The following NAALADL2 variants were observed in gnomAD, a reference collection of about 807,000 sequenced individuals.
NAALADL2 encodes N-acetylated alpha-linked acidic dipeptidase like 2.
NAALADL2 carries 76 observed loss-of-function variants against 87.2 expected under a neutral mutation model. The observed-to-expected ratio is 0.87, with a 90% CI of 0.72 to 1.05. The LOEUF (loss-of-function observed/expected upper bound fraction) is 1.05, where lower values mean the gene tolerates loss of function less well. Ranked by LOEUF, NAALADL2 falls within the 50% of genes least tolerant of loss-of-function variation. The probability of loss-of-function intolerance (pLI) is 0.00; values close to 1 mark genes in which losing one functional copy is unlikely to be tolerated. For synonymous variants in NAALADL2, 354 were observed against 331.0 expected (o/e 1.07, Z -0.75); for missense variants, 1,089 against 945.8 (o/e 1.15, Z -1.99).
chr3:175,756,906 T>C (rs1433960229), intron 13 of NAALADL2, among the ~76,000 whole-genome samples: 1 of 151,654 alleles, frequency 6.6e-6, no homozygotes, highest in African/African-American at 2.4e-5. Flanking sequence ...GTTTAATATA[T>C]ACATATATAA....
chr3:175,579,971 G>A lies in NAALADL2; in HGVS notation c.1800+3784G>A, dbSNP rs541422176. On this transcript the variant is annotated intron_variant, in intron 10 of 13. Transcript: ENST00000454872. ...CACTCTGTTTAACCTTATACTTTTC[G>A]CTGTTCTGTTTGAAACATTCTATTT... 3.0e-4 allele frequency among the ~76,000 whole-genome samples: 46 copies of A among 152,086 alleles called. 1 individual carries two copies. Among genetic ancestry groups the A allele is most frequent in the Middle Eastern group, 6.8e-3 (2 of 294 alleles).
chr3:175,603,509 A>C (rs556258272), intron 10 of NAALADL2, among the ~76,000 whole-genome samples: 62 of 152,170 alleles, frequency 4.1e-4, no homozygotes, highest in African/African-American at 1.5e-3. Flanking sequence ...ACCACCTGTT[A>C]GTTTCTATCT....
chr3:175,394,894 T>G (rs534996546), intron 5 of NAALADL2, among the ~76,000 whole-genome samples: 1 of 152,292 alleles, frequency 6.6e-6, no homozygotes, highest in South Asian at 2.1e-4. Context: ...GACAGACAAT[T>G]CATTCTTACC....
chr3:174,681,396 A>G (rs1727523803), intron 2 of NAALADL2, among the ~76,000 whole-genome samples: 1 of 152,078 alleles, frequency 6.6e-6, no homozygotes, highest in African/African-American at 2.4e-5. Context: ...CTCACCCCCA[A>G]CCCAAGGCAG....
chr3:175,412,951 G>C (rs1713851455), intron 5 of NAALADL2, among the ~76,000 whole-genome samples: 1 of 137,772 alleles, frequency 7.3e-6, no homozygotes, highest in Non-Finnish European at 1.6e-5. Context: ...GTCTCCCTCT[G>C]TCTGTCGCCT....
At chr3:175,780,313 G>A (rs978164274) in intron 13 of NAALADL2, among the ~76,000 whole-genome samples, 2 of 151,282 alleles carry the variant, frequency 1.3e-5, no homozygotes, top group African/African-American at 4.8e-5. Flanking sequence ...TTTCCTCATA[G>A]TCTAGTATGG....
rs1262396036 is a variant in NAALADL2 at position 175,678,831 on chromosome 3, A to G, written c.1896+51445A>G. Among the ~76,000 whole-genome samples the G allele has an allele frequency of 4.6e-5, 7 of 152,062 alleles. 1 individual carries two copies. The highest frequency in any genetic ancestry group is 1.0e-4 in the Non-Finnish European group (7 of 68,010). ...TGGCACATGTATACATATGTAACAA[A>G]CCTGCATGTTGTGCACATGTTTCAC... On this transcript the variant is annotated intron_variant, in intron 11 of 13. Transcript: ENST00000454872.
chr3:174,582,236 G>C lies in NAALADL2; in HGVS notation c.-115+31599G>C, dbSNP rs116219757. Among the ~76,000 whole-genome samples, 440 of 152,274 alleles carry C rather than the reference G, an allele frequency of 2.9e-3. 2 individuals are homozygous for C. The highest frequency in any genetic ancestry group is 0.01 in the African/African-American group (422 of 41,554). ...GAATACTGGAGAACCAAAGTACATAGAATGGACTATAGAATAAATGGGGTT... is the reference window on the plus strand; with the variant it reads ...GAATACTGGAGAACCAAAGTACATACAATGGACTATAGAATAAATGGGGTT... On this transcript the variant is annotated intron_variant, in intron 2 of 3. Transcript: ENST00000434257.
intron 2 of NAALADL2, among the ~76,000 whole-genome samples, chr3:174,625,933 C>T (rs1218370735): frequency 3.3e-5 from 5 of 151,926 alleles, no homozygotes; most frequent in Non-Finnish European, 5.9e-5. Context: ...TTGTGGAATA[C>T]AGGTTAAGTC....
chr3:175,335,825 T>C (rs553674537), intron 5 of NAALADL2, among the ~76,000 whole-genome samples: 5 of 152,336 alleles, frequency 3.3e-5, no homozygotes, highest in African/African-American at 1.2e-4. Flanking sequence ...ATATTATGTT[T>C]TTTTGAGAGC....
At chr3:174,444,150 G>A (rs969676016) in intron 1 of NAALADL2, among the ~76,000 whole-genome samples, 9 of 152,232 alleles carry the variant, frequency 5.9e-5, no homozygotes, top group Non-Finnish European at 8.8e-5. Context: ...GATGATGCAG[G>A]AGACAGAGGG....
At chr3:175,255,678 G>A (rs1029472566) in intron 3 of NAALADL2, among the ~76,000 whole-genome samples, 1 of 152,130 alleles carries the variant, frequency 6.6e-6, no homozygotes, top group Non-Finnish European at 1.5e-5. Context: ...TTCACTACAA[G>A]AGAAGGTTTT....
chr3:175,318,781 A>C (rs1286859106), intron 4 of NAALADL2, among the ~76,000 whole-genome samples: 3 of 152,164 alleles, frequency 2.0e-5, no homozygotes, highest in Non-Finnish European at 4.4e-5. Context: ...TCACCTTTGT[A>C]ATTAAACTAC....
In NAALADL2 at chr3:175,598,620, A is replaced by G. The variant is rs535368993; in HGVS notation, c.1800+22433A>G. ...ATCTGGGATAACTATTATGACTCAA[A>G]GTATTGAAGTTTCCCCGCTATCTCA... On this transcript the variant is annotated intron_variant, in intron 10 of 13. Transcript: ENST00000454872. Among the ~76,000 whole-genome samples, 28 of 152,264 alleles carry G rather than the reference A, an allele frequency of 1.8e-4. No individual in the cohort carries two copies. In the South Asian group the frequency reaches 2.7e-3, roughly 15 times the overall value.
At chr3:174,637,163 G>A (rs990064223) in intron 2 of NAALADL2, among the ~76,000 whole-genome samples, 2 of 152,074 alleles carry the variant, frequency 1.3e-5, no homozygotes, top group African/African-American at 4.8e-5. Context: ...ATACCAGACA[G>A]GGAAGGGTGT....
intron 3 of NAALADL2, among the ~76,000 whole-genome samples, chr3:174,833,720 T>C (rs1349081748): frequency 1.3e-5 from 2 of 152,106 alleles, no homozygotes; most frequent in African/African-American, 2.4e-5. Context: ...AAAAGCAGGA[T>C]TTATTCCCAA....
At chr3:175,029,008 C>T (rs1752514024) in intron 1 of NAALADL2, among the ~76,000 whole-genome samples, 1 of 148,632 alleles carries the variant, frequency 6.7e-6, no homozygotes, top group African/African-American at 2.5e-5. Flanking sequence ...TATGCAGTCT[C>T]TCCATGAAAA....
intron 6 of NAALADL2, among the ~76,000 whole-genome samples, chr3:175,452,277 C>T (rs1721695574): frequency 6.6e-6 from 1 of 152,016 alleles, no homozygotes; most frequent in African/African-American, 2.4e-5. Context: ...CTCTATCCAC[C>T]TACCTATCAA....
At chr3:174,696,611 A>G (rs1333940692) in intron 2 of NAALADL2, among the ~76,000 whole-genome samples, 1 of 151,378 alleles carries the variant, frequency 6.6e-6, no homozygotes, top group Non-Finnish European at 1.5e-5. Flanking sequence ...AAAAAAAAAA[A>G]AAAAAAGCCC....
Sources: gnomAD v4.1 joint callset for allele counts (sites outside exome capture counted in the v4.1 genomes callset) on GRCh38, gnomAD v4.1.1 for gene constraint, MANE v1.5 for transcripts, NCBI Gene and HGNC (gene_info 2026-07-23, HGNC 2026-07-21) for gene names.